The following AGBL1 variants were observed in gnomAD, a reference collection of about 807,000 sequenced individuals.
The protein encoded by AGBL1 is AGBL carboxypeptidase 1.
Under a neutral mutation model 118.9 loss-of-function variants are expected in AGBL1, and 130 were observed. The ratio of observed to expected loss-of-function variants is 1.09; its 90% CI spans 0.95 to 1.26. AGBL1 has a LOEUF of 1.26. AGBL1 is among the 50% of genes most tolerant of loss of function. AGBL1 has a pLI of 0.00. For missense variants in AGBL1, 1,584 were observed against 1,298.1 expected, an observed-to-expected ratio of 1.22 and a Z score of -3.38; for synonymous variants, 555 against 478.9, an observed-to-expected ratio of 1.16 and a Z score of -2.08.
At chr15:86,891,281 T>C (rs2080048613) in intron 22 of AGBL1, among the ~76,000 whole-genome samples, 6 of 152,172 alleles carry the variant, frequency 3.9e-5, no homozygotes, top group Admixed American at 3.3e-4. Context: ...AAGAAGCTTT[T>C]GGGCTGGATG....
intron 1 of AGBL1, among the ~76,000 whole-genome samples, chr15:86,119,606 C>G (rs1460204492): frequency 6.6e-6 from 1 of 151,950 alleles, no homozygotes; most frequent in African/African-American, 2.4e-5. Context: ...ATGGACCCCA[C>G]AATGGCTAGG....
At chr15:86,945,885 T>A (rs2080814610) in intron 23 of AGBL1, among the ~76,000 whole-genome samples, 2 of 152,206 alleles carry the variant, frequency 1.3e-5, no homozygotes, top group Admixed American at 1.3e-4. Context: ...GAAGGACAGC[T>A]CAGAGTCAAA....
At chr15:86,321,414 A>G (rs2080103444) in intron 17 of AGBL1, among the ~76,000 whole-genome samples, 1 of 151,884 alleles carries the variant, frequency 6.6e-6, no homozygotes, top group Middle Eastern at 3.4e-3. Context: ...CGCTTGTGTA[A>G]TTATGTCCTT....
intron 18 of AGBL1, among the ~76,000 whole-genome samples, chr15:86,472,363 A>G (rs548935067): frequency 6.6e-6 from 1 of 152,182 alleles, no homozygotes; most frequent in Non-Finnish European, 1.5e-5. Context: ...AGGCTAAGAT[A>G]TCCTCTCCGA....
At chr15:86,605,596 T>C (rs917247382) in intron 21 of AGBL1, among the ~76,000 whole-genome samples, 7 of 152,192 alleles carry the variant, frequency 4.6e-5, no homozygotes, top group Non-Finnish European at 8.8e-5. Context: ...ATGTACCTGG[T>C]TCATTCTTAA....
At chr15:86,759,328 A>G (rs2077989631) in intron 22 of AGBL1, among the ~76,000 whole-genome samples, 1 of 152,094 alleles carries the variant, frequency 6.6e-6, no homozygotes, top group Admixed American at 6.6e-5. Context: ...ATTCTGCTTA[A>G]TAGGCATGTG....
chr15:86,323,568 A>G (rs550980341), intron 17 of AGBL1, among the ~76,000 whole-genome samples: 2 of 152,350 alleles, frequency 1.3e-5, no homozygotes, highest in Non-Finnish European at 1.5e-5. Flanking sequence ...CAATTTGACT[A>G]GAGACAAGGG....
At chr15:86,888,255 T>C (rs1044027733) in intron 22 of AGBL1, among the ~76,000 whole-genome samples, 3 of 151,688 alleles carry the variant, frequency 2.0e-5, no homozygotes, top group Non-Finnish European at 2.9e-5. Flanking sequence ...TCTGATTGTA[T>C]CAGAAGTGAC....
At chr15:86,289,206 T>G (rs929721322) in intron 16 of AGBL1, among the ~76,000 whole-genome samples, 3 of 152,316 alleles carry the variant, frequency 2.0e-5, no homozygotes, top group Admixed American at 6.5e-5. Flanking sequence ...TTATTAAGGC[T>G]GACTAGCCTG....
chr15:86,530,846 C>A (rs1486965659), intron 19 of AGBL1, among the ~76,000 whole-genome samples: 1 of 113,594 alleles, frequency 8.8e-6, no homozygotes. Flanking sequence ...GAACAACCTG[C>A]TCCTGAATGA....
At chr15:86,967,259 C>T (rs936302495) in intron 23 of AGBL1, among the ~76,000 whole-genome samples, 1 of 151,624 alleles carries the variant, frequency 6.6e-6, no homozygotes, top group African/African-American at 2.4e-5. Flanking sequence ...GCAAAAATTT[C>T]CTCCCATTCT....
chr15:86,144,541 C>T (rs1273426033), intron 3 of AGBL1, among the ~76,000 whole-genome samples: 2 of 152,146 alleles, frequency 1.3e-5, no homozygotes, highest in Non-Finnish European at 2.9e-5. Context: ...AGGCCATTAT[C>T]CTTAGCAAAC....
In AGBL1 at chr15:86,825,712, CGA is replaced by C. The variant is rs555773278; in HGVS notation, c.3159-81369_3159-81368del. 2.4e-3 allele frequency among the ~76,000 whole-genome samples: 282 copies of C among 119,832 alleles called. 5 individuals are homozygous for C. Among genetic ancestry groups the C allele is most frequent in the African/African-American group, 9.0e-3 (266 of 29,426 alleles). The allele number at this position is 119,832 out of a possible 152,430, so 78.6% of individuals were successfully genotyped here. ...GAGAGGGAGGGAGGGAGGGAGAAAG[CGA>C]GAGAGGGAGGGAGGGAGGTAGGGAA... On this transcript the variant is annotated intron_variant, in intron 22 of 22. Coordinates refer to ENST00000614907, the MANE Select transcript of AGBL1 (RefSeq NM_001386094.1).
chr15:86,977,116 T>C (rs1307457681), intron 23 of AGBL1, among the ~76,000 whole-genome samples: 1 of 152,004 alleles, frequency 6.6e-6, no homozygotes, highest in Non-Finnish European at 1.5e-5. Flanking sequence ...TATATAAAGA[T>C]TTCATATTTC....
intron 18 of AGBL1, among the ~76,000 whole-genome samples, chr15:86,425,219 C>T (rs1052882965): frequency 6.6e-6 from 1 of 152,060 alleles, no homozygotes; most frequent in Non-Finnish European, 1.5e-5. Context: ...CATAAAAAAG[C>T]ATGAGTTCAT....
At chr15:86,576,215 C>T (rs1313632390) in intron 21 of AGBL1, among the ~76,000 whole-genome samples, 1 of 152,102 alleles carries the variant, frequency 6.6e-6, no homozygotes, top group Admixed American at 6.5e-5. Context: ...GATTGTACCT[C>T]CTGCAGAGTA....
intron 23 of AGBL1, among the ~76,000 whole-genome samples, chr15:86,943,872 A>G (rs2080784128): frequency 6.6e-6 from 1 of 152,142 alleles, no homozygotes; most frequent in East Asian, 1.9e-4. Flanking sequence ...ATTTCCTTCT[A>G]GCTCCTGTAT....
chr15:86,648,195 A>G (rs968877374), intron 21 of AGBL1, among the ~76,000 whole-genome samples: 1 of 152,044 alleles, frequency 6.6e-6, no homozygotes, highest in African/African-American at 2.4e-5. Flanking sequence ...ACTGTTTGGG[A>G]TGTTGTGGGG....
intron 22 of AGBL1, among the ~76,000 whole-genome samples, chr15:86,766,995 A>G (rs1052884161): frequency 2.6e-5 from 4 of 152,006 alleles, no homozygotes; most frequent in Non-Finnish European, 5.9e-5. Context: ...AAAATATTAG[A>G]TTAAAATTTA....
Sources: allele counts gnomAD v4.1 joint callset (sites outside exome capture counted in the v4.1 genomes callset), GRCh38; gene constraint gnomAD v4.1.1; transcripts MANE v1.5; gene names NCBI Gene and HGNC (gene_info 2026-07-23, HGNC 2026-07-21).